The following LGR6 variants were observed in gnomAD, a reference collection of about 807,000 sequenced individuals.
LGR6 encodes leucine rich repeat containing G protein-coupled receptor 6, also known as leucine-rich repeat-containing G protein-coupled receptor 6.
Under a neutral mutation model 69.4 loss-of-function variants are expected in LGR6, and 45 were observed. That is an observed-to-expected ratio of 0.65 (90% CI 0.51 to 0.83). The LOEUF (loss-of-function observed/expected upper bound fraction) is 0.83. Among genes scored for constraint, LGR6 ranks in the 40% least tolerant of loss-of-function variants. LGR6 has a pLI of 0.00. For missense variants in LGR6, 1,108 were observed against 1,246.7 expected (o/e 0.89, Z 1.68); for synonymous variants, 538 against 555.0 (o/e 0.97, Z 0.43).
chr1:202,287,556 C>T (rs1666481528), intron 6 of LGR6, among the ~76,000 whole-genome samples: 1 of 152,210 alleles, frequency 6.6e-6, no homozygotes, highest in African/African-American at 2.4e-5. Context: ...TTAACATGCT[C>T]ACTGGATATC....
At chr1:202,298,300 G>A (rs557818865) in intron 7 of LGR6, among the ~76,000 whole-genome samples, 5 of 152,290 alleles carry the variant, frequency 3.3e-5, no homozygotes, top group South Asian at 2.1e-4. Context: ...GGATTGAGGC[G>A]ACAGTGGTGG....
chr1:202,275,909 A>C (rs1344108427), intron 4 of LGR6, among the ~76,000 whole-genome samples: 1 of 152,178 alleles, frequency 6.6e-6, no homozygotes, highest in South Asian at 2.1e-4. Flanking sequence ...AATACTGGCT[A>C]TCCACAAACA....
intron 4 of LGR6, among the ~76,000 whole-genome samples, chr1:202,274,816 A>G (rs936072461): frequency 6.6e-5 from 10 of 152,302 alleles, no homozygotes; most frequent in African/African-American, 2.2e-4. Context: ...AGCAGAGGGC[A>G]CTCACTGAAG....
intron 6 of LGR6, among the ~76,000 whole-genome samples, chr1:202,287,996 T>C (rs997184704): frequency 4.6e-5 from 7 of 152,096 alleles, no homozygotes; most frequent in Non-Finnish European, 7.4e-5. Flanking sequence ...TTCCTCATCA[T>C]ACTCCAGAAA....
intron 1 of LGR6, among the ~76,000 whole-genome samples, chr1:202,217,528 C>T (rs1346016481): frequency 6.6e-6 from 1 of 152,158 alleles, no homozygotes; most frequent in South Asian, 2.1e-4. Context: ...CTGCCTTTAT[C>T]CCTCCCAGCC....
At chr1:202,276,007 C>G (rs978743180) in intron 4 of LGR6, among the ~76,000 whole-genome samples, 6 of 152,142 alleles carry the variant, frequency 3.9e-5, no homozygotes, top group African/African-American at 1.4e-4. Context: ...GGATCAAGAA[C>G]TGTGGGTTGG....
chr1:202,250,365 T>C (rs1663123321), intron 4 of LGR6, among the ~76,000 whole-genome samples: 1 of 151,624 alleles, frequency 6.6e-6, no homozygotes, highest in African/African-American at 2.4e-5. Flanking sequence ...TGAGTGTCCT[T>C]TTTTATTTTT....
At chr1:202,225,616 C>A in intron 2 of LGR6, 122 bp downstream of exon 2, 1 of 778,708 alleles carries the variant, frequency 1.3e-6, no homozygotes, top group Non-Finnish European at 2.1e-6. Flanking sequence ...TAAGACAGTT[C>A]TTGACAGCAG....
At chr1:202,264,497 CA>C (rs1166616994) in intron 4 of LGR6, among the ~76,000 whole-genome samples, 3 of 152,246 alleles carry the variant, frequency 2.0e-5, no homozygotes, top group African/African-American at 7.2e-5. Context: ...CAAGCAACCA[CA>C]GGACCCGGCT....
chr1:202,308,610 C>T (rs1262847946), intron 14 of LGR6, among the ~76,000 whole-genome samples: 1 of 152,174 alleles, frequency 6.6e-6, no homozygotes, highest in Non-Finnish European at 1.5e-5. Context: ...CCAGACTCAG[C>T]CCTCTTATAT....
chr1:202,199,121 G>A (rs1488773642), intron 1 of LGR6, among the ~76,000 whole-genome samples: 1 of 152,126 alleles, frequency 6.6e-6, no homozygotes, highest in African/African-American at 2.4e-5. Flanking sequence ...GAGAGGCAGG[G>A]AGCAATCCAC....
rs1035569900 is a variant in LGR6 at position 202,319,693 on chromosome 1, A to G, written c.*486A>G. On this transcript the variant is annotated 3_prime_UTR_variant, in exon 18 of 18. Transcript: ENST00000367278. ...ATTAAAATAAGCTTTGGAAGAGATTACACATGATGTCTTTTTCTTAGAGAT... is the reference window on the plus strand; with the variant it reads ...ATTAAAATAAGCTTTGGAAGAGATTGCACATGATGTCTTTTTCTTAGAGAT... The G allele has an allele frequency of 6.4e-6, 1 of 156,312 alleles. No homozygotes were observed. Among genetic ancestry groups the G allele is most frequent in the African/African-American group, 2.4e-5 (1 of 41,502 alleles). The allele number at this position is 156,312 out of a possible 1,614,324, so 9.7% of individuals were successfully genotyped here.
In LGR6 at chr1:202,319,251, T is replaced by G; in HGVS notation, c.*44T>G. ...CTCTTCCCCTCTCTTCCCTTTCCTC[T>G]CTCCCCCTCGGTGAATGATGGCTGC... On this transcript the variant is annotated 3_prime_UTR_variant, in exon 18 of 18. Transcript: ENST00000367278. 2.0e-6 allele frequency: 3 copies of G among 1,506,816 alleles called. No individual in the cohort carries two copies. The highest frequency in any genetic ancestry group is 2.7e-6 in the Non-Finnish European group (3 of 1,127,642). 93.3% of individuals were successfully genotyped at this position (1,506,816 alleles called of 1,614,324 possible).
intron 1 of LGR6, among the ~76,000 whole-genome samples, chr1:202,201,803 G>C (rs1430170486): frequency 6.6e-6 from 1 of 152,228 alleles, no homozygotes; most frequent in Non-Finnish European, 1.5e-5. Context: ...CTACTTGGAG[G>C]GGAAGGTATT....
At chr1:202,302,355 C>A (rs949247426) in intron 9 of LGR6, among the ~76,000 whole-genome samples, 2 of 152,148 alleles carry the variant, frequency 1.3e-5, no homozygotes, top group Admixed American at 1.3e-4. Flanking sequence ...GAACCCAGAA[C>A]CCTTTAATTT....
chr1:202,296,259 C>T (rs906443733), intron 6 of LGR6, among the ~76,000 whole-genome samples: 2 of 152,204 alleles, frequency 1.3e-5, no homozygotes, highest in African/African-American at 4.8e-5. Flanking sequence ...TTGCCAAACC[C>T]CAGGACCCCA....
intron 5 of LGR6, 140 bp from the exon 6 acceptor site, chr1:202,280,641 C>T (rs1665930223): frequency 5.0e-6 from 4 of 795,906 alleles, no homozygotes; most frequent in Non-Finnish European, 6.5e-6. Flanking sequence ...CAGTTTGTTC[C>T]TGGAAACAAA....
chr1:202,232,575 G>A (rs1381032163), intron 3 of LGR6, among the ~76,000 whole-genome samples: 1 of 152,142 alleles, frequency 6.6e-6, no homozygotes, highest in Non-Finnish European at 1.5e-5. Context: ...TGTAATCCCA[G>A]GGCTGTGGAG....
chr1:202,301,964 A>C (rs1472864715), intron 9 of LGR6, among the ~76,000 whole-genome samples: 1 of 152,196 alleles, frequency 6.6e-6, no homozygotes, highest in Non-Finnish European at 1.5e-5. Context: ...GGTTACAGTG[A>C]GCCGAGATCG....
Sources: allele counts gnomAD v4.1 joint callset (sites outside exome capture counted in the v4.1 genomes callset), GRCh38; gene constraint gnomAD v4.1.1; transcripts MANE v1.5; gene names NCBI Gene and HGNC (gene_info 2026-07-23, HGNC 2026-07-21).